Variants in PLEKHA5 observed in about 807,000 individuals in gnomAD.
PLEKHA5 encodes the protein pleckstrin homology domain containing A5.
A neutral mutation model predicts 181.9 loss-of-function variants in PLEKHA5; 55 were observed. The observed-to-expected ratio is 0.30, with a 90% CI of 0.24 to 0.38. PLEKHA5 has a LOEUF of 0.38. PLEKHA5 is among the 10% of genes least tolerant of loss of function. The probability of loss-of-function intolerance (pLI) is 1.00; values close to 1 mark genes in which losing one functional copy is unlikely to be tolerated. For missense variants in PLEKHA5, 1,432 were observed against 1,549.5 expected (o/e 0.92, Z 1.27); for synonymous variants, 535 against 529.4 (o/e 1.01, Z -0.15).
At chr12:19,192,615 A>G (rs1012952460) in intron 3 of PLEKHA5, among the ~76,000 whole-genome samples, 2 of 152,190 alleles carry the variant, frequency 1.3e-5, no homozygotes, top group Admixed American at 1.3e-4. Flanking sequence ...AGGCAGGAGA[A>G]TTGCTTGAAC....
Position 19,255,086 on chromosome 12 carries a change from C to G in PLEKHA5, c.353C>G (p.Pro118Arg). The G allele has an allele frequency of 6.2e-7, 1 of 1,608,688 alleles. No individual in the cohort carries two copies. Among genetic ancestry groups the G allele is most frequent in the Non-Finnish European group, 8.5e-7 (1 of 1,176,066 alleles). Residue 118 changes from proline (P) to arginine (R), a missense_variant, in exon 5 of 32, where the codon CCA (proline) becomes CGA (arginine). By Grantham distance (103) the Pro-to-Arg change is moderately radical. Transcript: ENST00000429027. ...ACATCTGAAGAAAAGAAGGAACGGC[C>G]AATAAGTATGATAAATGAAGCTTCT... Reference protein sequence around the residue: ...TMTSEEKKERPISMINEASNY... With the variant: ...TMTSEEKKERRISMINEASNY...
At chr12:19,306,752 C>G in intron 15 of PLEKHA5, 7 of 1,049,544 alleles carry the variant, frequency 6.7e-6, no homozygotes, top group Non-Finnish European at 1.0e-5. Context: ...GATAATTCAC[C>G]TTTGCCAATC....
chr12:19,173,027 T>G lies in PLEKHA5; in HGVS notation c.227+40577T>G, dbSNP rs111517193. Among the ~76,000 whole-genome samples the G allele has an allele frequency of 8.1e-5, 9 of 110,874 alleles. 1 individual carries two copies. The highest frequency in any genetic ancestry group is 3.1e-4 in the African/African-American group (9 of 29,202). The allele number at this position is 110,874 out of a possible 152,430, so 72.7% of individuals were successfully genotyped here. A position where few individuals can be genotyped will look rare whatever the true frequency, so the allele number is the denominator to read the frequency against. ...TTTCTTTTTTTTTTTTTTTTTTTTT[T>G]TTTTTTTGAGACGGAGTCTCGCTCT... is the stretch of plus-strand genomic sequence containing the variant. On this transcript the variant is annotated intron_variant, in intron 3 of 31. Transcript: ENST00000429027.
intron 15 of PLEKHA5, among the ~76,000 whole-genome samples, chr12:19,294,621 C>G (rs561883480): frequency 6.6e-6 from 1 of 152,102 alleles, no homozygotes; most frequent in Non-Finnish European, 1.5e-5. Flanking sequence ...TGAGGTATTA[C>G]AATAATCAAA....
In PLEKHA5 at chr12:19,258,561, C is replaced by CTTTTTTTT. The variant is rs71440398; in HGVS notation, c.537+1032_537+1039dup. ...TTTAGTTTCTTTTTTTTTTCTTTTTCTTTTTTTTTTTTTTTGTGAGACAGG... is the reference window on the plus strand; with the variant it reads ...TTTAGTTTCTTTTTTTTTTCTTTTTCTTTTTTTTTTTTTTTTTTTTTTTGTGAGACAGG... On this transcript the variant is annotated intron_variant, in intron 6 of 31. Coordinates refer to ENST00000429027, the MANE Select transcript of PLEKHA5 (RefSeq NM_001256470.2). Among the ~76,000 whole-genome samples, 864 of 123,726 alleles carry CTTTTTTTT rather than the reference C, an allele frequency of 7.0e-3. 4 individuals are homozygous for CTTTTTTTT. The highest frequency in any genetic ancestry group is 0.011 in the Non-Finnish European group (671 of 62,176). 81.2% of individuals were successfully genotyped at this position (123,726 alleles called of 152,430 possible).
intron 3 of PLEKHA5, among the ~76,000 whole-genome samples, chr12:19,191,074 G>T (rs925022866): frequency 6.6e-6 from 1 of 151,790 alleles, no homozygotes; most frequent in Non-Finnish European, 1.5e-5. Context: ...AAATATTATT[G>T]GATGACCCAC....
intron 9 of PLEKHA5, 89 bp from the exon 10 acceptor site, chr12:19,270,090 CTTTTCTTCT>C (rs1045529041): frequency 2.6e-6 from 2 of 754,982 alleles, no homozygotes; most frequent in Non-Finnish European, 4.1e-6. Context: ...TTTTATTCCA[CTTTTCTTCT>C]TTTTCTTCTT....
chr12:19,287,531 G>C lies in PLEKHA5; in HGVS notation c.1838G>C (p.Ser613Thr), dbSNP rs777921761. Residue 613 changes from serine to threonine, a missense_variant, in exon 13 of 32, where the codon AGT becomes ACT. By Grantham distance (58) the Ser-to-Thr change is moderately conservative. Coordinates refer to ENST00000429027, the MANE Select transcript of PLEKHA5 (RefSeq NM_001256470.2). ...GCTGGCCTGACTTTACAGTCTGTTA[G>C]TCCCCAGAGCCTCCAAGGGAAAACG... ...VPAGLTLQSV[S>T]PQSLQGKTPE... is the part of the protein sequence containing the mutation. 2 of 1,604,764 alleles carry C rather than the reference G, an allele frequency of 1.2e-6. No homozygotes were observed. Among genetic ancestry groups the C allele is most frequent in the Non-Finnish European group, 1.7e-6 (2 of 1,172,326 alleles).
chr12:19,151,616 C>G (rs2040411609), intron 3 of PLEKHA5: 1 of 152,036 alleles, frequency 6.6e-6, no homozygotes, highest in Non-Finnish European at 1.5e-5. Context: ...TTAGCAGCTT[C>G]CATATTTTCA....
rs117958251 is a variant in PLEKHA5, at chr12:19,202,376, C to T, written c.228-51564C>T. 1.4e-3 allele frequency among the ~76,000 whole-genome samples: 212 copies of T among 152,136 alleles called. 3 individuals are homozygous for T. The East Asian group carries it at 0.026, about 19-fold the overall frequency. ...CGTAAGTGCTAGCTGTCATTCATCACCTTAAAACAAGACTCATAAGTTGAA... is the reference window on the plus strand; with the variant it reads ...CGTAAGTGCTAGCTGTCATTCATCATCTTAAAACAAGACTCATAAGTTGAA... On this transcript the variant is annotated intron_variant, in intron 3 of 31. Coordinates refer to ENST00000429027, the MANE Select transcript of PLEKHA5 (RefSeq NM_001256470.2).
At chr12:19,283,149 C>CAAAAAAAA (rs34391812) in intron 11 of PLEKHA5, 131 bp from the exon 12 acceptor site, 30 of 204,078 alleles carry the variant, frequency 1.5e-4, no homozygotes, top group South Asian at 5.6e-4. Flanking sequence ...TCTTGTCTCC[C>CAAAAAAAA]AAAAAAAAAA....
chr12:19,269,680 G>A (rs995506751), intron 8 of PLEKHA5, 90 bp from the exon 9 acceptor site: 16 of 606,100 alleles, frequency 2.6e-5, no homozygotes, highest in Non-Finnish European at 3.8e-5. Context: ...TGATAGCAAC[G>A]TTCTATGTCA....
intron 15 of PLEKHA5, among the ~76,000 whole-genome samples, chr12:19,300,359 C>A (rs1316295324): frequency 6.6e-6 from 1 of 152,160 alleles, no homozygotes; most frequent in African/African-American, 2.4e-5. Context: ...AAAGTGAAAA[C>A]AAAATGTCCC....
At chr12:19,278,316 A>C (rs529190579) in intron 11 of PLEKHA5, among the ~76,000 whole-genome samples, 1 of 152,244 alleles carries the variant, frequency 6.6e-6, no homozygotes, top group South Asian at 2.1e-4. Flanking sequence ...GTCCAACCCA[A>C]ACATTATGAA....
At chr12:19,296,460 A>G (rs1442120379) in intron 15 of PLEKHA5, among the ~76,000 whole-genome samples, 1 of 151,676 alleles carries the variant, frequency 6.6e-6, no homozygotes, top group Non-Finnish European at 1.5e-5. Flanking sequence ...AGGAATGAGA[A>G]TCACTTGAAG....
In PLEKHA5 at chr12:19,325,416, A is replaced by G. The variant is rs554173428; in HGVS notation, c.2448+2749A>G. On this transcript the variant is annotated intron_variant, in intron 20 of 31. Coordinates refer to ENST00000429027, the MANE Select transcript of PLEKHA5 (RefSeq NM_001256470.2). Reference sequence around the variant, plus strand: ...AATCGTTAATAATAGAAGGCCAGGCATGGTGGCTCACGCCTGTAATCCCAG... The same window carrying G: ...AATCGTTAATAATAGAAGGCCAGGCGTGGTGGCTCACGCCTGTAATCCCAG... Among the ~76,000 whole-genome samples, 6 of 150,822 alleles carry G rather than the reference A, an allele frequency of 4.0e-5. No individual in the cohort carries two copies. The South Asian group carries it at 1.1e-3, about 27-fold the overall frequency.
chr12:19,134,176 T>TCTAA (rs2034909055), intron 3 of PLEKHA5, among the ~76,000 whole-genome samples: 3 of 152,038 alleles, frequency 2.0e-5, no homozygotes, highest in African/African-American at 7.2e-5. Flanking sequence ...AGGAAGACAT[T>TCTAA]GAGTGAGTTT....
intron 6 of PLEKHA5, among the ~76,000 whole-genome samples, chr12:19,258,934 C>A (rs1367754666): frequency 6.6e-6 from 1 of 152,154 alleles, no homozygotes; most frequent in African/African-American, 2.4e-5. Context: ...TTATGATCCA[C>A]TATTTCAGTG....
At chr12:19,149,803 C>T (rs2039943659) in intron 3 of PLEKHA5, 2 of 152,136 alleles carry the variant, frequency 1.3e-5, no homozygotes, top group Admixed American at 6.6e-5. Flanking sequence ...GGCATCCACC[C>T]GAGTGAGCAG....
Sources: allele counts gnomAD v4.1 joint callset (sites outside exome capture counted in the v4.1 genomes callset), GRCh38; gene constraint gnomAD v4.1.1; transcripts MANE v1.5; gene names NCBI Gene and HGNC (gene_info 2026-07-23, HGNC 2026-07-21).